Variants in TLK1 observed in about 807,000 individuals in gnomAD.
TLK1 encodes tousled like kinase 1.
Under a neutral mutation model 105.3 loss-of-function variants are expected in TLK1, and 24 were observed. The observed-to-expected ratio is 0.23, with a 90% confidence interval of 0.17 to 0.32. TLK1 has a LOEUF of 0.32. Among genes scored for constraint, TLK1 ranks in the 10% least tolerant of loss-of-function variants. The probability of loss-of-function intolerance (pLI) is 1.00; values close to 1 mark genes in which losing one functional copy is unlikely to be tolerated. For missense variants in TLK1, 558 were observed against 910.5 expected, an observed-to-expected ratio of 0.61 and a Z score of 4.98; for synonymous variants, 321 against 310.4, an observed-to-expected ratio of 1.03 and a Z score of -0.36.
At chr2:171,076,609 A>G (rs1688519779) in intron 3 of TLK1, among the ~76,000 whole-genome samples, 1 of 152,022 alleles carries the variant, frequency 6.6e-6, no homozygotes, top group African/African-American at 2.4e-5. Flanking sequence ...TAAAACTTAG[A>G]AAACACTGAG....
intron 1 of TLK1, among the ~76,000 whole-genome samples, chr2:171,151,575 C>A (rs1354530303): frequency 6.7e-6 from 1 of 150,346 alleles, no homozygotes; most frequent in Non-Finnish European, 1.5e-5. Flanking sequence ...CCCAGGTTCA[C>A]ACCATTCTCC....
chr2:171,040,009 CAAT>C (rs1332541300), intron 11 of TLK1, among the ~76,000 whole-genome samples: 3 of 151,826 alleles, frequency 2.0e-5, no homozygotes, highest in African/African-American at 7.3e-5. Context: ...CTATGCAAGA[CAAT>C]AATGATGTCC....
In TLK1 at chr2:171,204,307, A is replaced by G. The variant is rs542362814; in HGVS notation, c.-6+26838T>C. On this transcript the variant is annotated intron_variant, in intron 1 of 20. Transcript: ENST00000521943. The stretch of plus-strand genomic sequence containing the variant: ...GTGCTATCGTCCTGGCTACACTGAT[A>G]CTAAAATGGAACGATCTAAGTTGGA... Among the ~76,000 whole-genome samples the G allele has an allele frequency of 7.9e-5, 12 of 152,310 alleles. No individual in the cohort carries two copies. The South Asian group carries it at 2.5e-3, about 32-fold the overall frequency.
intron 1 of TLK1, among the ~76,000 whole-genome samples, chr2:171,185,382 C>T (rs2105310187): frequency 6.6e-6 from 1 of 152,262 alleles, no homozygotes; most frequent in South Asian, 2.1e-4. Context: ...GGCTACCCTT[C>T]ATCTTCAATA....
intron 2 of TLK1, among the ~76,000 whole-genome samples, chr2:171,093,305 C>G (rs187495749): frequency 5.3e-5 from 8 of 152,234 alleles, no homozygotes; most frequent in Admixed American, 2.6e-4. Context: ...TAGGTACACA[C>G]AGGTGTTGAA....
intron 1 of TLK1, among the ~76,000 whole-genome samples, chr2:171,199,336 C>A (rs181243819): frequency 6.6e-5 from 10 of 152,188 alleles, no homozygotes; most frequent in African/African-American, 1.7e-4. Flanking sequence ...CATATGGAGA[C>A]CCTATCTCTA....
intron 2 of TLK1, among the ~76,000 whole-genome samples, chr2:171,093,116 C>T (rs754018693): frequency 2.6e-5 from 4 of 152,162 alleles, no homozygotes; most frequent in Admixed American, 2.0e-4. Context: ...TCAGGATACA[C>T]TGTTTTGATT....
intron 18 of TLK1, among the ~76,000 whole-genome samples, chr2:171,003,302 A>AAAAAAAAAAAAAC (rs1408727980): frequency 6.8e-6 from 1 of 146,488 alleles, no homozygotes; most frequent in Non-Finnish European, 1.5e-5. Context: ...AAAAAAAAAA[A>AAAAAAAAAAAAAC]AAAGTACAAG....
chr2:171,153,552 T>A (rs1422118294), intron 1 of TLK1, among the ~76,000 whole-genome samples: 1 of 152,152 alleles, frequency 6.6e-6, no homozygotes, highest in Non-Finnish European at 1.5e-5. Flanking sequence ...ATGAACAAAA[T>A]ATAGTCTCTG....
chr2:171,122,229 G>A (rs1690682568), intron 1 of TLK1, among the ~76,000 whole-genome samples: 2 of 152,174 alleles, frequency 1.3e-5, no homozygotes, highest in South Asian at 4.1e-4. Context: ...CTCCCAAAGT[G>A]CTGGGATTAC....
chr2:171,160,036 A>G lies in TLK1; in HGVS notation c.139+254T>C, dbSNP rs1317056993. On this transcript the variant is annotated intron_variant, in intron 1 of 20. Coordinates refer to ENST00000431350, the MANE Select transcript of TLK1 (RefSeq NM_012290.5). This position sits in a 1 kb window ranked among gnomAD's most constrained non-coding sequence, Gnocchi z 4.4. The stretch of plus-strand genomic sequence containing the variant: ...GCTCCCAGGAACCCCAGGCGAGTCT[A>G]TGCGCCTCGCCCCGTCCCCACCAGC... Among the ~76,000 whole-genome samples, 4 of 152,002 alleles carry G rather than the reference A, an allele frequency of 2.6e-5. No homozygotes were observed. The East Asian group carries it at 7.7e-4, about 29-fold the overall frequency.
At chr2:171,056,801 TCTGA>T (rs1687524361) in intron 5 of TLK1, among the ~76,000 whole-genome samples, 1 of 151,906 alleles carries the variant, frequency 6.6e-6, no homozygotes. Flanking sequence ...TACTCTATAT[TCTGA>T]CTATCATCTG....
intron 2 of TLK1, among the ~76,000 whole-genome samples, chr2:171,117,120 T>C (rs1226838160): frequency 1.3e-5 from 2 of 152,166 alleles, no homozygotes; most frequent in Non-Finnish European, 2.9e-5. Context: ...AGAGGGAAGG[T>C]GGAGGTTGGG....
chr2:171,159,227 T>C (rs2105610954), intron 1 of TLK1, among the ~76,000 whole-genome samples: 1 of 152,344 alleles, frequency 6.6e-6, no homozygotes, highest in South Asian at 2.1e-4. Context: ...TCTCCTCGTG[T>C]GCGACAACTA....
chr2:170,997,951 C>T, intron 18 of TLK1, 128 bp from the exon 19 acceptor site: 1 of 512,204 alleles, frequency 2.0e-6, no homozygotes. Flanking sequence ...CAGTGAAAAT[C>T]ATCAACTGAA....
At chr2:171,021,711 A>G (rs1685518155) in intron 12 of TLK1, among the ~76,000 whole-genome samples, 1 of 152,142 alleles carries the variant, frequency 6.6e-6, no homozygotes. Flanking sequence ...TACAAATCTG[A>G]ATTAGTTACA....
At chr2:171,049,407 T>G (rs897527966) in intron 10 of TLK1, among the ~76,000 whole-genome samples, 5 of 152,144 alleles carry the variant, frequency 3.3e-5, no homozygotes, top group Non-Finnish European at 5.9e-5. Flanking sequence ...CCCTTAGGAA[T>G]AGAGAGCAGG....
chr2:171,132,998 T>C (rs553960481), intron 1 of TLK1, among the ~76,000 whole-genome samples: 12 of 152,186 alleles, frequency 7.9e-5, no homozygotes, highest in Non-Finnish European at 1.3e-4. Flanking sequence ...ACACTAAATA[T>C]GGATTAAACT....
intron 13 of TLK1, among the ~76,000 whole-genome samples, chr2:171,013,379 C>T (rs972644773): frequency 4.7e-5 from 6 of 126,484 alleles, no homozygotes; most frequent in Non-Finnish European, 7.9e-5. Flanking sequence ...TCAGGCTGGA[C>T]TGCGATCTAG....
Sources: gnomAD v4.1 joint callset for allele counts (sites outside exome capture counted in the v4.1 genomes callset) on GRCh38, gnomAD v4.1.1 for gene constraint, Gnocchi (gnomAD v3.1) non-coding constraint, MANE v1.5 for transcripts, NCBI Gene and HGNC (gene_info 2026-07-23, HGNC 2026-07-21) for gene names.